PLCH1: variants seen among roughly 807,000 people sequenced by gnomAD.
PLCH1 encodes the protein phospholipase C eta 1, also known as 1-phosphatidylinositol 4,5-bisphosphate phosphodiesterase eta-1.
Under a neutral mutation model 126.7 loss-of-function variants are expected in PLCH1, and 60 were observed. The observed-to-expected ratio is 0.47, with a 90% CI of 0.38 to 0.59. The LOEUF is 0.59. Ranked by LOEUF, PLCH1 falls within the 20% of genes least tolerant of loss-of-function variation. The probability of loss-of-function intolerance (pLI) is 0.00; values close to 1 mark genes in which losing one functional copy is unlikely to be tolerated. For missense variants in PLCH1, 1,723 were observed against 2,040.0 expected, an observed-to-expected ratio of 0.84 and a Z score of 2.99; for synonymous variants, 719 against 734.9, an observed-to-expected ratio of 0.98 and a Z score of 0.35.
chr3:155,594,770 T>G (rs925916646), intron 3 of PLCH1, among the ~76,000 whole-genome samples: 1 of 151,720 alleles, frequency 6.6e-6, no homozygotes, highest in African/African-American at 2.4e-5. Flanking sequence ...AAAAAAAAAA[T>G]AGATATGTCA....
intron 2 of PLCH1, among the ~76,000 whole-genome samples, chr3:155,663,002 A>G (rs1420274415): frequency 6.6e-6 from 1 of 152,150 alleles, no homozygotes; most frequent in Non-Finnish European, 1.5e-5. Context: ...TTTTTTGGCT[A>G]TAATTTAAAA....
chr3:155,630,134 AT>A (rs1309953030), intron 2 of PLCH1, among the ~76,000 whole-genome samples: 1 of 152,188 alleles, frequency 6.6e-6, no homozygotes. Context: ...AACTACATAC[AT>A]TTTTGTTCAC....
chr3:155,667,893 C>G (rs559002442), intron 2 of PLCH1, among the ~76,000 whole-genome samples: 11 of 126,096 alleles, frequency 8.7e-5, no homozygotes, highest in Non-Finnish European at 1.8e-4. Context: ...GGCGAAACCC[C>G]ATCTCTACTT....
intron 21 of PLCH1, among the ~76,000 whole-genome samples, chr3:155,473,821 G>T (rs1033183086): frequency 6.6e-6 from 1 of 150,762 alleles, no homozygotes; most frequent in African/African-American, 2.4e-5. Context: ...AACAAGCAAT[G>T]GGGAAAGGAT....
chr3:155,512,381 G>C (rs1416063998), intron 12 of PLCH1, among the ~76,000 whole-genome samples: 1 of 152,100 alleles, frequency 6.6e-6, no homozygotes, highest in Non-Finnish European at 1.5e-5. Context: ...TCTCCCTACT[G>C]GGCTTGCAGT....
chr3:155,588,045 T>C (rs935734560), intron 4 of PLCH1, among the ~76,000 whole-genome samples: 1 of 152,180 alleles, frequency 6.6e-6, no homozygotes. Flanking sequence ...GTACAGCATA[T>C]TTCCATTTCT....
chr3:155,506,491 A>T (rs1232277902), intron 12 of PLCH1, among the ~76,000 whole-genome samples: 1 of 132,500 alleles, frequency 7.5e-6, no homozygotes, highest in Non-Finnish European at 1.6e-5. Flanking sequence ...TCCCAATGTT[A>T]TCCCTCCCCC....
chr3:155,492,940 A>G (rs1382054400), intron 17 of PLCH1, 87 bp from the exon 18 acceptor site: 2 of 1,118,104 alleles, frequency 1.8e-6, no homozygotes, highest in East Asian at 5.5e-5. Flanking sequence ...AAACAAACAA[A>G]CAAAAACAAA....
intron 10 of PLCH1, among the ~76,000 whole-genome samples, chr3:155,534,319 A>G (rs1161274457): frequency 6.6e-6 from 1 of 152,170 alleles, no homozygotes; most frequent in Non-Finnish European, 1.5e-5. Context: ...ATTATATTGG[A>G]GCTTTAAGAT....
intron 2 of PLCH1, among the ~76,000 whole-genome samples, chr3:155,647,400 C>A (rs80306264): frequency 0.013 from 2,019 of 151,652 alleles, 40 homozygotes; most frequent in African/African-American, 0.046. Context: ...CTGGGGACAG[C>A]ACTATCAAGC....
Position 155,481,803 on chromosome 3 carries a change from G to A in PLCH1, c.4223C>T (p.Ser1408Phe). ...NGYCKETLRP[S>F]VPEIFNNIQD... is the part of the protein sequence containing the mutation. ...AATATTGTTGAATATTTCAGGGACAGAAGGGCGGAGGGTCTCTTTACAGTA... is the reference window on the plus strand; with the variant it reads ...AATATTGTTGAATATTTCAGGGACAAAAGGGCGGAGGGTCTCTTTACAGTA... Residue 1408 changes from serine (S) to phenylalanine (F), a missense_variant, in exon 23 of 23, where the codon TCT becomes TTT. Ser to Phe is a radical substitution (Grantham distance 155). Transcript: ENST00000460012. The surrounding 1 kb of genome is among the most constrained non-coding windows in gnomAD (Gnocchi z 4.2). The A allele has an allele frequency of 1.9e-6, 3 of 1,614,186 alleles. No individual in the cohort carries two copies. Among genetic ancestry groups the A allele is most frequent in the Non-Finnish European group, 2.5e-6 (3 of 1,180,012 alleles).
At chr3:155,511,953 C>G (rs1168412873) in intron 12 of PLCH1, among the ~76,000 whole-genome samples, 1 of 152,084 alleles carries the variant, frequency 6.6e-6, no homozygotes, top group Non-Finnish European at 1.5e-5. Context: ...CCCCCAGCCT[C>G]ATTGCCGCCT....
At chr3:155,721,254 A>T (rs1438606840) in intron 1 of PLCH1, among the ~76,000 whole-genome samples, 1 of 152,112 alleles carries the variant, frequency 6.6e-6, no homozygotes, top group African/African-American at 2.4e-5. Context: ...TCTAAGAATG[A>T]TGGTGGTATG....
intron 2 of PLCH1, chr3:155,676,329 C>T (rs1577303345): frequency 3.6e-5 from 39 of 1,093,418 alleles, no homozygotes; most frequent in East Asian, 5.4e-5. Flanking sequence ...TCGGGGCTGC[C>T]GCTATTGTGG....
At chr3:155,668,666 AC>A (rs1352080135) in intron 2 of PLCH1, among the ~76,000 whole-genome samples, 1 of 152,004 alleles carries the variant, frequency 6.6e-6, no homozygotes, top group Admixed American at 6.6e-5. Context: ...GCCAAGGCGG[AC>A]AGATCACCTG....
At chr3:155,504,736 G>C (rs1718413256) in intron 12 of PLCH1, 110 bp from the exon 13 acceptor site, 1 of 688,860 alleles carries the variant, frequency 1.5e-6, no homozygotes, top group African/African-American at 1.8e-5. Context: ...TTTGCCTCTA[G>C]GTGAGAAACA....
chr3:155,717,756 G>A (rs934605467), intron 1 of PLCH1, among the ~76,000 whole-genome samples: 9 of 152,158 alleles, frequency 5.9e-5, no homozygotes, highest in South Asian at 2.1e-4. Flanking sequence ...GAGGGGCTGC[G>A]GTCTTAGATA....
intron 2 of PLCH1, among the ~76,000 whole-genome samples, chr3:155,630,975 C>A (rs1047869337): frequency 6.6e-6 from 1 of 152,132 alleles, no homozygotes; most frequent in African/African-American, 2.4e-5. Flanking sequence ...TTAAGATATT[C>A]TTTTATGGCT....
intron 21 of PLCH1, among the ~76,000 whole-genome samples, chr3:155,471,588 C>G (rs1472351544): frequency 4.1e-5 from 6 of 147,246 alleles, no homozygotes; most frequent in Non-Finnish European, 8.9e-5. Context: ...TAATAGACAT[C>G]TACAGAACTC....
Sources: allele counts gnomAD v4.1 joint callset (sites outside exome capture counted in the v4.1 genomes callset), GRCh38; gene constraint gnomAD v4.1.1; non-coding constraint Gnocchi (gnomAD v3.1); transcripts MANE v1.5; gene names NCBI Gene and HGNC (gene_info 2026-07-23, HGNC 2026-07-21).